TRPM8: variants seen among roughly 807,000 people sequenced by gnomAD.
TRPM8 encodes transient receptor potential cation channel subfamily M member 8.
TRPM8 carries 110 observed loss-of-function variants against 133.7 expected under a neutral mutation model. The observed-to-expected ratio is 0.82, with a 90% CI of 0.70 to 0.96. The LOEUF (loss-of-function observed/expected upper bound fraction) is 0.96, where lower values mean the gene tolerates loss of function less well. Ranked by LOEUF, TRPM8 falls within the 40% of genes least tolerant of loss-of-function variation. TRPM8 has a pLI of 0.00. For synonymous variants in TRPM8, 535 were observed against 532.3 expected (o/e 1.01, Z -0.07); for missense variants, 1,291 against 1,379.5 (o/e 0.94, Z 1.02).
intron 11 of TRPM8, among the ~76,000 whole-genome samples, chr2:233,958,037 A>T (rs1190546175): frequency 3.9e-5 from 6 of 152,226 alleles, no homozygotes; most frequent in African/African-American, 1.2e-4. Context: ...TGGAATGCTG[A>T]TAATATTTCT....
At chr2:233,964,274 G>A (rs1373230676) in intron 13 of TRPM8, among the ~76,000 whole-genome samples, 1 of 152,098 alleles carries the variant, frequency 6.6e-6, no homozygotes, top group Non-Finnish European at 1.5e-5. Context: ...ACCTTAGGCT[G>A]GGCTTGGTGG....
Position 234,014,468 on chromosome 2 carries a change from T to A in TRPM8, c.3265-94T>A, listed in dbSNP as rs1692911046. The A allele has an allele frequency of 6.0e-6, 4 of 665,978 alleles. No individual in the cohort carries two copies. The Middle Eastern group carries it at 8.8e-4, about 147-fold the overall frequency. 41.3% of individuals were successfully genotyped at this position (665,978 alleles called of 1,614,324 possible). A position where few individuals can be genotyped will look rare whatever the true frequency, so the allele number is the denominator to read the frequency against. ...TGCCATGCTTGCTATTTAGTAGACA[T>A]GTCTGTTTCTTAGAAAAGGCACAGA... On this transcript the variant is annotated intron_variant, in intron 24 of 25. Transcript: ENST00000324695.
intron 17 of TRPM8, 99 bp downstream of exon 17, chr2:233,970,525 C>A: frequency 8.8e-7 from 1 of 1,142,510 alleles, no homozygotes; most frequent in South Asian, 1.3e-5. Context: ...GTTCAAAAGT[C>A]ACTATTTTCC....
chr2:233,977,629 T>C (rs1025394735), intron 17 of TRPM8, among the ~76,000 whole-genome samples: 3 of 152,144 alleles, frequency 2.0e-5, no homozygotes, highest in African/African-American at 7.2e-5. Context: ...CTGGGGCTGC[T>C]AGCACCAGCA....
chr2:233,993,562 T>C (rs1344799964), intron 21 of TRPM8, among the ~76,000 whole-genome samples: 1 of 152,230 alleles, frequency 6.6e-6, no homozygotes, highest in Non-Finnish European at 1.5e-5. Context: ...GCTCATGGAC[T>C]GTACAAAAAC....
chr2:233,928,199 G>C (rs1334821436), intron 2 of TRPM8, among the ~76,000 whole-genome samples: 1 of 151,848 alleles, frequency 6.6e-6, no homozygotes, highest in Non-Finnish European at 1.5e-5. Context: ...TCGATCTCCT[G>C]ACCTCGTGAG....
At chr2:234,013,218 T>A (rs1420369620) in intron 24 of TRPM8, 2 of 152,226 alleles carry the variant, frequency 1.3e-5, no homozygotes, top group African/African-American at 4.8e-5. Context: ...GACTGTCTGC[T>A]AGAATTTACC....
chr2:233,921,634 C>CTTTTCTTTTTTTTCT (rs1205144388), intron 1 of TRPM8, among the ~76,000 whole-genome samples: 1 of 138,550 alleles, frequency 7.2e-6, no homozygotes, highest in Non-Finnish European at 1.6e-5. Flanking sequence ...TTTCTTTTTT[C>CTTTTCTTTTTTTTCT]TTTTCTTTTT....
chr2:233,982,718 A>G (rs76465903), intron 19 of TRPM8, among the ~76,000 whole-genome samples: 1 of 152,260 alleles, frequency 6.6e-6, no homozygotes, highest in African/African-American at 2.4e-5. Flanking sequence ...TATCAAAATC[A>G]TGAGGTACAG....
At chr2:233,971,297 T>A (rs1367620682) in intron 17 of TRPM8, among the ~76,000 whole-genome samples, 1 of 152,186 alleles carries the variant, frequency 6.6e-6, no homozygotes, top group Non-Finnish European at 1.5e-5. Flanking sequence ...CGTGTAAGAA[T>A]CCTAAGTTGG....
intron 24 of TRPM8, 137 bp from the exon 25 acceptor site, chr2:234,014,425 T>C (rs1692910094): frequency 2.1e-6 from 1 of 481,540 alleles, no homozygotes; most frequent in African/African-American, 2.1e-5. Context: ...CCACTCTCAT[T>C]CTGCCTTATT....
At position 233,950,083 on chromosome 2, in the gene TRPM8, G is replaced by A. The variant is rs1289114690; in HGVS notation, c.1077G>A (p.Val359=). The A allele has an allele frequency of 6.2e-7, 1 of 1,613,946 alleles. No individual in the cohort carries two copies. The highest frequency in any genetic ancestry group is 2.2e-5 in the East Asian group (1 of 44,884). Residue 359 remains valine, a synonymous_variant, in exon 9 of 26, where the codon GTG becomes GTA. Transcript: ENST00000324695. ...LTSSAVKEKL[V]RFLPRTVSRL... ...CTTCTGCCGTCAAGGAGAAGCTGGT[G>A]CGCTTTTTACCCCGCACGGTGTCCC...
Position 233,981,795 on chromosome 2 carries a change from C to T in TRPM8, c.2469C>T (p.Ser823=). ...IVFRLHSSNK[S]SLYSGRVIFC... ...CTAGGCTCCACTCTTCTAATAAAAG[C>T]TCTTTGTATTCTGGACGAGTCATTT... is the stretch of plus-strand genomic sequence containing the variant. The change falls in exon 19 of 26, where the codon AGC becomes AGT. Residue 823 remains serine, a synonymous_variant. Transcript: ENST00000324695. The T allele has an allele frequency of 1.2e-6, 2 of 1,612,050 alleles. No homozygotes were observed. Among genetic ancestry groups the T allele is most frequent in the African/African-American group, 2.7e-5 (2 of 74,924 alleles).
At chr2:234,003,317 TCACACA>T (rs1360965484) in intron 22 of TRPM8, among the ~76,000 whole-genome samples, 1 of 152,232 alleles carries the variant, frequency 6.6e-6, no homozygotes, top group African/African-American at 2.4e-5. Flanking sequence ...TCATTAACGA[TCACACA>T]TATGTAATTG....
chr2:234,009,958 A>G (rs1692794951), intron 24 of TRPM8, among the ~76,000 whole-genome samples: 1 of 152,148 alleles, frequency 6.6e-6, no homozygotes, highest in Non-Finnish European at 1.5e-5. Flanking sequence ...CATATTTACC[A>G]TCTGTGAGTG....
intron 22 of TRPM8, among the ~76,000 whole-genome samples, chr2:234,000,762 T>C (rs1282301147): frequency 6.6e-6 from 1 of 151,006 alleles, no homozygotes; most frequent in African/African-American, 2.4e-5. Context: ...CTCTGAAACC[T>C]CCACCTCCCG....
chr2:233,996,762 G>A (rs929973164), intron 22 of TRPM8, among the ~76,000 whole-genome samples: 4 of 152,174 alleles, frequency 2.6e-5, no homozygotes, highest in Non-Finnish European at 5.9e-5. Flanking sequence ...TGGACAGATC[G>A]TGTAATAATA....
Position 233,937,452 on chromosome 2 carries a change from A to G in TRPM8, c.291A>G (p.Glu97=), listed in dbSNP as rs1306712689. 1.2e-6 allele frequency: 2 copies of G among 1,614,050 alleles called. No homozygotes were observed. Among genetic ancestry groups the G allele is most frequent in the African/African-American group, 1.3e-5 (1 of 74,928 alleles). Residue 97 remains glutamate, a synonymous_variant, in exon 4 of 26, where the codon GAA becomes GAG. Coordinates refer to ENST00000324695, the MANE Select transcript of TRPM8 (RefSeq NM_024080.5). ...GGAACTACAAGAAACACACCAAGGA[A>G]TTTCCTACCGACGCCTTTGGGGATA... ...EKWNYKKHTK[E]FPTDAFGDIQ... is the part of the protein sequence containing the mutation.
chr2:233,923,847 CA>C (rs1435012290), intron 1 of TRPM8, among the ~76,000 whole-genome samples: 1 of 152,034 alleles, frequency 6.6e-6, no homozygotes, highest in Non-Finnish European at 1.5e-5. Flanking sequence ...CAAAAACAGC[CA>C]AAATTGAGTT....
Sources: gnomAD v4.1 joint callset for allele counts (sites outside exome capture counted in the v4.1 genomes callset) on GRCh38, gnomAD v4.1.1 for gene constraint, MANE v1.5 for transcripts, NCBI Gene and HGNC (gene_info 2026-07-23, HGNC 2026-07-21) for gene names.